The following CNTNAP5 variants were observed in gnomAD, a reference collection of about 807,000 sequenced individuals.
CNTNAP5 encodes contactin associated protein family member 5.
CNTNAP5 carries 72 observed loss-of-function variants against 150.2 expected under a neutral mutation model. The ratio of observed to expected loss-of-function variants is 0.48; its 90% confidence interval spans 0.40 to 0.58. The LOEUF is 0.58. CNTNAP5 is among the 20% of genes least tolerant of loss of function. The pLI is 0.00. For missense variants in CNTNAP5, 1,636 were observed against 1,626.2 expected (o/e 1.01, Z -0.10); for synonymous variants, 672 against 619.8 (o/e 1.08, Z -1.25).
intron 6 of CNTNAP5, among the ~76,000 whole-genome samples, chr2:124,469,970 T>A (rs1210771728): frequency 6.6e-6 from 1 of 152,230 alleles, no homozygotes; most frequent in East Asian, 1.9e-4. Context: ...TTATCCGGTC[T>A]ATCATTGATG....
chr2:124,707,018 G>GAGAAGAAGAAGAAGAAGA lies in CNTNAP5; in HGVS notation c.2078-40205_2078-40188dup, dbSNP rs200269843. On this transcript the variant is annotated intron_variant, in intron 13 of 23. Coordinates refer to ENST00000682447, the MANE Select transcript of CNTNAP5 (RefSeq NM_001367498.1). ...GAAGAGGAAGAAGAAGGAGGAGGAGGAGAAGAAGAAGAAGAAGAAGAAGGA... is the reference window on the plus strand; with the variant it reads ...GAAGAGGAAGAAGAAGGAGGAGGAGGAGAAGAAGAAGAAGAAGAAGAAGAAGAAGAAGAAGAAGAAGGA... 1.1e-3 allele frequency among the ~76,000 whole-genome samples: 80 copies of GAGAAGAAGAAGAAGAAGA among 74,290 alleles called. 3 individuals are homozygous for GAGAAGAAGAAGAAGAAGA. Among genetic ancestry groups the GAGAAGAAGAAGAAGAAGA allele is most frequent in the African/African-American group, 4.2e-3 (74 of 17,722 alleles). The allele number at this position is 74,290 out of a possible 152,430, so 48.7% of individuals were successfully genotyped here. A position where few individuals can be genotyped will look rare whatever the true frequency, so the allele number is the denominator to read the frequency against.
chr2:124,076,023 G>C (rs775736858), intron 1 of CNTNAP5, among the ~76,000 whole-genome samples: 1 of 152,124 alleles, frequency 6.6e-6, no homozygotes. Context: ...TTATGAGTTT[G>C]CCCATGATAT....
intron 13 of CNTNAP5, among the ~76,000 whole-genome samples, chr2:124,695,679 A>T (rs1384364742): frequency 6.6e-6 from 1 of 152,174 alleles, no homozygotes; most frequent in African/African-American, 2.4e-5. Flanking sequence ...AATCGAAAGG[A>T]ATCTGGTCAG....
intron 11 of CNTNAP5, among the ~76,000 whole-genome samples, chr2:124,587,936 A>AG (rs1696575821): frequency 6.6e-6 from 1 of 152,208 alleles, no homozygotes; most frequent in South Asian, 2.1e-4. Flanking sequence ...TTCTGGGAAA[A>AG]GGTAAATTTA....
At chr2:124,334,065 G>C (rs1689413392) in intron 3 of CNTNAP5, among the ~76,000 whole-genome samples, 1 of 152,112 alleles carries the variant, frequency 6.6e-6, no homozygotes, top group Admixed American at 6.6e-5. Context: ...CAGAGCTTCA[G>C]ACCTCAGTGG....
At chr2:124,561,496 G>A (rs1257953720) in intron 10 of CNTNAP5, among the ~76,000 whole-genome samples, 1 of 152,120 alleles carries the variant, frequency 6.6e-6, no homozygotes, top group Non-Finnish European at 1.5e-5. Flanking sequence ...GAATAAAAAG[G>A]AAAGGTAGAA....
chr2:124,219,079 C>T (rs965852492), intron 1 of CNTNAP5, among the ~76,000 whole-genome samples: 10 of 151,686 alleles, frequency 6.6e-5, no homozygotes, highest in Admixed American at 1.3e-4. Flanking sequence ...TATATGAATG[C>T]GAAGATTACC....
At chr2:124,415,074 C>T (rs188018928) in intron 3 of CNTNAP5, among the ~76,000 whole-genome samples, 26 of 152,312 alleles carry the variant, frequency 1.7e-4, no homozygotes, top group East Asian at 3.9e-4. Context: ...CACAGGGAGG[C>T]GTCCTTTCCA....
chr2:124,145,843 A>AT (rs1684237813), intron 1 of CNTNAP5, among the ~76,000 whole-genome samples: 2 of 143,716 alleles, frequency 1.4e-5, no homozygotes, highest in African/African-American at 5.1e-5. Flanking sequence ...AAAAAAAAAA[A>AT]AAATAAAATA....
At chr2:124,746,382 A>G (rs1166399222) in intron 13 of CNTNAP5, among the ~76,000 whole-genome samples, 1 of 152,216 alleles carries the variant, frequency 6.6e-6, no homozygotes, top group Non-Finnish European at 1.5e-5. Flanking sequence ...AGACTCAAAA[A>G]TGGTTTCCAG....
intron 1 of CNTNAP5, among the ~76,000 whole-genome samples, chr2:124,189,948 G>T (rs931333079): frequency 1.3e-5 from 2 of 152,200 alleles, no homozygotes; most frequent in African/African-American, 4.8e-5. Context: ...TGCCTCCCAA[G>T]TGGGCTTTGA....
chr2:124,676,400 A>G (rs1284470972), intron 13 of CNTNAP5, among the ~76,000 whole-genome samples: 1 of 152,198 alleles, frequency 6.6e-6, no homozygotes, highest in Non-Finnish European at 1.5e-5. Context: ...CCTTATTGTC[A>G]TACCATTCCC....
chr2:124,259,802 C>T (rs566745475), intron 3 of CNTNAP5, among the ~76,000 whole-genome samples: 2 of 152,258 alleles, frequency 1.3e-5, no homozygotes, highest in East Asian at 3.9e-4. Context: ...AGGAATCCAA[C>T]TTGCAAGGGA....
intron 1 of CNTNAP5, among the ~76,000 whole-genome samples, chr2:124,039,183 G>A (rs1195177450): frequency 2.0e-5 from 3 of 152,150 alleles, no homozygotes; most frequent in Non-Finnish European, 4.4e-5. Flanking sequence ...GTTAATAGCT[G>A]TTTGTATTTT....
chr2:124,031,183 C>T (rs968592806), intron 1 of CNTNAP5, among the ~76,000 whole-genome samples: 2 of 151,886 alleles, frequency 1.3e-5, no homozygotes, highest in African/African-American at 4.8e-5. Context: ...TTTTCTCAGG[C>T]ATATCAAGTG....
chr2:124,804,722 A>C (rs1424577375), intron 19 of CNTNAP5, among the ~76,000 whole-genome samples: 1 of 152,150 alleles, frequency 6.6e-6, no homozygotes, highest in Admixed American at 6.5e-5. Context: ...TGTATTTCCC[A>C]GCCTCCAGAA....
intron 3 of CNTNAP5, among the ~76,000 whole-genome samples, chr2:124,271,066 G>A (rs376632528): frequency 2.6e-4 from 40 of 152,022 alleles, no homozygotes; most frequent in Non-Finnish European, 4.6e-4. Flanking sequence ...CCCTGTGGTC[G>A]TGAGCAATCT....
intron 13 of CNTNAP5, among the ~76,000 whole-genome samples, chr2:124,670,065 G>T (rs762684166): frequency 1.1e-4 from 17 of 151,864 alleles, no homozygotes; most frequent in Non-Finnish European, 2.2e-4. Flanking sequence ...CCATGTTCTG[G>T]AGGCACTGGA....
Position 124,919,157 on chromosome 2 carries a change from C to G in CNTNAP5, c.*4869C>G, listed in dbSNP as rs1678825598. 6.6e-6 allele frequency among the ~76,000 whole-genome samples: 1 copy of G among 151,966 alleles called. No individual in the cohort carries two copies. Among genetic ancestry groups the G allele is most frequent in the African/African-American group, 2.4e-5 (1 of 41,406 alleles). ...CGCACGCTCACATGCACACTTTGTACAAATAGGGCTGTTATTCAACTTTTC... is the reference window on the plus strand; with the variant it reads ...CGCACGCTCACATGCACACTTTGTAGAAATAGGGCTGTTATTCAACTTTTC... On this transcript the variant is annotated 3_prime_UTR_variant, in exon 24 of 24. Coordinates refer to ENST00000682447, the MANE Select transcript of CNTNAP5 (RefSeq NM_001367498.1).
Sources: gnomAD v4.1 joint callset for allele counts (sites outside exome capture counted in the v4.1 genomes callset) on GRCh38, gnomAD v4.1.1 for gene constraint, MANE v1.5 for transcripts, NCBI Gene and HGNC (gene_info 2026-07-23, HGNC 2026-07-21) for gene names.